Variants in STK32B observed in about 807,000 individuals in gnomAD.
STK32B encodes the protein serine/threonine-protein kinase 32B.
Under a neutral mutation model 52.6 loss-of-function variants are expected in STK32B, and 43 were observed. The ratio of observed to expected loss-of-function variants is 0.82; its 90% confidence interval spans 0.64 to 1.05. The LOEUF is 1.05. Ranked by LOEUF, STK32B falls within the 50% of genes least tolerant of loss-of-function variation. The probability of loss-of-function intolerance (pLI) is 0.00; values close to 1 mark genes in which losing one functional copy is unlikely to be tolerated. For missense variants in STK32B, 621 were observed against 534.6 expected (o/e 1.16, Z -1.59); for synonymous variants, 238 against 204.3 (o/e 1.17, Z -1.41).
the STK32B span, among the ~76,000 whole-genome samples, chr4:5,045,485 T>A: frequency 1.3e-5 from 2 of 152,220 alleles, no homozygotes; most frequent in Admixed American, 6.5e-5. Flanking sequence ...TAGTATTGAA[T>A]CTATAGATTA....
chr4:5,437,239 AATT>A (rs982521307), intron 6 of STK32B, among the ~76,000 whole-genome samples: 2 of 152,246 alleles, frequency 1.3e-5, no homozygotes, highest in African/African-American at 4.8e-5. Context: ...CTGCAAAACA[AATT>A]ACTACGAACT....
chr4:5,137,962 G>A (rs867454010), intron 1 of STK32B, among the ~76,000 whole-genome samples: 2 of 152,178 alleles, frequency 1.3e-5, no homozygotes, highest in East Asian at 1.9e-4. Flanking sequence ...TTGAGGACCC[G>A]ACAGTGGTAC....
intron 6 of STK32B, among the ~76,000 whole-genome samples, chr4:5,435,131 G>A (rs1713943465): frequency 6.6e-6 from 1 of 152,230 alleles, no homozygotes; most frequent in Non-Finnish European, 1.5e-5. Context: ...GGCAGTTACA[G>A]TTGGCATTTC....
chr4:5,285,022 T>C (rs76719421), intron 3 of STK32B, among the ~76,000 whole-genome samples: 4 of 126,134 alleles, frequency 3.2e-5, no homozygotes, highest in Admixed American at 1.5e-4. Flanking sequence ...GTTCATCTTA[T>C]AAACAGAGAT....
intron 4 of STK32B, among the ~76,000 whole-genome samples, chr4:5,337,792 A>G (rs1158407253): frequency 6.6e-6 from 1 of 152,210 alleles, no homozygotes; most frequent in Non-Finnish European, 1.5e-5. Context: ...TGTAGAGTAC[A>G]GCTTACTAAA....
intron 11 of STK32B, among the ~76,000 whole-genome samples, chr4:5,493,581 A>C (rs367903543): frequency 6.6e-6 from 1 of 151,554 alleles, no homozygotes; most frequent in East Asian, 1.9e-4. Flanking sequence ...TATTTCCTTC[A>C]GTTCTGCTCT....
upstream of STK32B, among the ~76,000 whole-genome samples, chr4:5,049,686 A>C (rs551516618): frequency 1.3e-5 from 2 of 152,234 alleles, no homozygotes; most frequent in African/African-American, 4.8e-5. Context: ...CTGGATGTAT[A>C]TGTGCAGGTC....
intron 3 of STK32B, among the ~76,000 whole-genome samples, chr4:5,233,762 A>G (rs1233483821): frequency 6.6e-6 from 1 of 151,560 alleles, no homozygotes; most frequent in Non-Finnish European, 1.5e-5. Context: ...TGGGATAGAG[A>G]GGAAAGCTGA....
chr4:5,358,789 C>T (rs1156578977), intron 4 of STK32B, among the ~76,000 whole-genome samples: 1 of 152,032 alleles, frequency 6.6e-6, no homozygotes, highest in Non-Finnish European at 1.5e-5. Context: ...CCTCCCTTTC[C>T]CCATCTTGAA....
chr4:5,152,557 G>A (rs150228741), intron 2 of STK32B, among the ~76,000 whole-genome samples: 1 of 152,358 alleles, frequency 6.6e-6, no homozygotes, highest in Non-Finnish European at 1.5e-5. Flanking sequence ...CACTCACCCC[G>A]GTGGGCTTCT....
At chr4:5,263,981 G>T (rs1412928825) in intron 3 of STK32B, among the ~76,000 whole-genome samples, 3 of 152,162 alleles carry the variant, frequency 2.0e-5, no homozygotes, top group South Asian at 2.1e-4. Flanking sequence ...GTATATCATT[G>T]TATATAGGAG....
At position 5,408,788 on chromosome 4, in the gene STK32B, A is replaced by G. The variant is rs74500868; in HGVS notation, c.473-8057A>G. Among the ~76,000 whole-genome samples, 1,308 of 152,252 alleles carry G rather than the reference A, an allele frequency of 8.6e-3. 28 individuals carry two copies. The highest frequency in any genetic ancestry group is 0.03 in the African/African-American group (1,228 of 41,514). ...ACACCTGTCTGGAAAAGAGCCCCAT[A>G]TGATGGAATGAGTTAGGAGCAGAGT... is the stretch of plus-strand genomic sequence containing the variant. On this transcript the variant is annotated intron_variant, in intron 5 of 11. Transcript: ENST00000282908.
chr4:5,138,519 T>C (rs28665024), intron 1 of STK32B, among the ~76,000 whole-genome samples: 9,245 of 152,262 alleles, frequency 0.061, 965 homozygotes, highest in African/African-American at 0.21. Flanking sequence ...ATATGGAGAT[T>C]AGTTCATTCA....
chr4:5,497,687 A>C (rs940239121), intron 11 of STK32B, among the ~76,000 whole-genome samples: 2 of 146,316 alleles, frequency 1.4e-5, no homozygotes, highest in Non-Finnish European at 3.0e-5. Context: ...CATTGTTGCA[A>C]ACACTAGGCA....
intron 4 of STK32B, among the ~76,000 whole-genome samples, chr4:5,365,007 C>T (rs1306666938): frequency 6.6e-6 from 1 of 152,162 alleles, no homozygotes; most frequent in Non-Finnish European, 1.5e-5. Context: ...TCCCGAGTAG[C>T]TGGGATTACA....
chr4:5,368,281 T>C (rs1560357700), intron 4 of STK32B, among the ~76,000 whole-genome samples: 2 of 151,478 alleles, frequency 1.3e-5, no homozygotes, highest in African/African-American at 4.9e-5. Context: ...CGTCATGAGT[T>C]AGGTCTACTA....
At chr4:5,031,922 A>G in the STK32B span, among the ~76,000 whole-genome samples, 51 of 152,284 alleles carry the variant, frequency 3.3e-4, no homozygotes, top group African/African-American at 1.1e-3. Flanking sequence ...CTGTGTCTAT[A>G]GAGCACTTAG....
the STK32B span, among the ~76,000 whole-genome samples, chr4:5,036,062 G>A: frequency 1.5e-4 from 23 of 152,172 alleles, no homozygotes; most frequent in African/African-American, 5.3e-4. Context: ...GATTACAGGC[G>A]TGAGCCATCG....
At chr4:5,284,659 C>G (rs1005615052) in intron 3 of STK32B, among the ~76,000 whole-genome samples, 29 of 152,154 alleles carry the variant, frequency 1.9e-4, no homozygotes, top group African/African-American at 6.8e-4. Context: ...GTAACACATA[C>G]TGTATGACGG....
Sources: allele counts gnomAD v4.1 joint callset (sites outside exome capture counted in the v4.1 genomes callset), GRCh38; gene constraint gnomAD v4.1.1; transcripts MANE v1.5; gene names NCBI Gene and HGNC (gene_info 2026-07-23, HGNC 2026-07-21).